ASTN2: variants seen among roughly 807,000 people sequenced by gnomAD.
ASTN2 encodes the protein astrotactin 2, also known as astrotactin-2.
In ASTN2, 54 loss-of-function variants were observed where a neutral mutation model predicts 139.8. That is an observed-to-expected ratio of 0.39 (90% CI 0.31 to 0.48). ASTN2 has a LOEUF of 0.48. ASTN2 is among the 20% of genes least tolerant of loss of function. The probability of loss-of-function intolerance (pLI) is 0.95; values close to 1 mark genes in which losing one functional copy is unlikely to be tolerated. For synonymous variants in ASTN2, 756 were observed against 719.5 expected, an observed-to-expected ratio of 1.05 and a Z score of -0.81; for missense variants, 1,565 against 1,725.1, an observed-to-expected ratio of 0.91 and a Z score of 1.64.
chr9:116,985,371 A>G (rs1040547146), intron 7 of ASTN2, among the ~76,000 whole-genome samples: 2 of 152,208 alleles, frequency 1.3e-5, no homozygotes, highest in African/African-American at 4.8e-5. Flanking sequence ...CAGGTCTGAT[A>G]AGAGATTAGA....
chr9:116,896,275 A>T (rs1588392167), intron 10 of ASTN2, among the ~76,000 whole-genome samples: 1 of 152,222 alleles, frequency 6.6e-6, no homozygotes, highest in African/African-American at 2.4e-5. Flanking sequence ...TGTATGTATT[A>T]GTTCATTTTC....
intron 13 of ASTN2, among the ~76,000 whole-genome samples, chr9:116,786,471 A>G (rs2132214604): frequency 6.6e-6 from 1 of 152,112 alleles, no homozygotes; most frequent in African/African-American, 2.4e-5. Context: ...GAGTGAAGAT[A>G]CAATAGTGTC....
intron 1 of ASTN2, among the ~76,000 whole-genome samples, chr9:117,315,504 C>T (rs540641225): frequency 6.6e-6 from 1 of 152,354 alleles, no homozygotes; most frequent in African/African-American, 2.4e-5. Flanking sequence ...GGACAAATCA[C>T]TGGCACTGTC....
At position 117,013,269 on chromosome 9, in the gene ASTN2, C is replaced by A. The variant is rs139102813; in HGVS notation, c.1424-5010G>T. On this transcript the variant is annotated intron_variant, in intron 6 of 22. Coordinates refer to ENST00000313400, the MANE Select transcript of ASTN2 (RefSeq NM_001365068.1). ...CAGAAAAGGAATAAAAGGCACTATT[C>A]CATGTGTCTCATGTTTTTCTAGTTT... is the stretch of plus-strand genomic sequence containing the variant. 8.4e-3 allele frequency among the ~76,000 whole-genome samples: 1,281 copies of A among 152,130 alleles called. 16 individuals are homozygous for A. The highest frequency in any genetic ancestry group is 0.029 in the African/African-American group (1,202 of 41,504).
intron 3 of ASTN2, chr9:117,181,091 A>G (rs893277043): frequency 1.5e-5 from 16 of 1,079,984 alleles, no homozygotes; most frequent in Non-Finnish European, 2.1e-5. Context: ...CCCTTAAAGC[A>G]ACCCATACAA....
chr9:116,600,345 AAAG>A (rs1854823509), intron 19 of ASTN2, among the ~76,000 whole-genome samples: 2 of 137,070 alleles, frequency 1.5e-5, no homozygotes, highest in Admixed American at 7.4e-5. Flanking sequence ...AAAAAAAAAA[AAAG>A]AAAGAAAGAA....
chr9:117,129,154 T>C (rs1829771871), intron 4 of ASTN2, among the ~76,000 whole-genome samples: 1 of 152,208 alleles, frequency 6.6e-6, no homozygotes, highest in Non-Finnish European at 1.5e-5. Flanking sequence ...GTAATTTCAA[T>C]TTGAAGCAGA....
intron 16 of ASTN2, among the ~76,000 whole-genome samples, chr9:116,713,443 C>G (rs1828225143): frequency 1.3e-5 from 2 of 152,124 alleles, no homozygotes; most frequent in African/African-American, 4.8e-5. Flanking sequence ...CGTCTCAGAG[C>G]TGGCACTCTG....
chr9:116,589,773 C>T (rs564780434), intron 19 of ASTN2, among the ~76,000 whole-genome samples: 2 of 152,288 alleles, frequency 1.3e-5, no homozygotes, highest in East Asian at 3.9e-4. Flanking sequence ...GGCAAAGTGG[C>T]TGTACATACT....
intron 11 of ASTN2, among the ~76,000 whole-genome samples, chr9:116,841,087 A>G (rs1411614851): frequency 6.6e-6 from 1 of 152,228 alleles, no homozygotes; most frequent in East Asian, 1.9e-4. Context: ...CCTGGGCACC[A>G]TTGAGCACTG....
chr9:117,209,589 T>G (rs978241197), intron 3 of ASTN2, among the ~76,000 whole-genome samples: 1 of 151,986 alleles, frequency 6.6e-6, no homozygotes, highest in African/African-American at 2.4e-5. Context: ...AGAGACAGAC[T>G]CCAGTAAAAT....
At chr9:117,201,634 T>C (rs1831724369) in intron 3 of ASTN2, among the ~76,000 whole-genome samples, 1 of 152,206 alleles carries the variant, frequency 6.6e-6, no homozygotes, top group Non-Finnish European at 1.5e-5. Context: ...TCAATTTCCA[T>C]GAAAATGTGT....
intron 19 of ASTN2, among the ~76,000 whole-genome samples, chr9:116,523,443 TC>T (rs1336800078): frequency 1.3e-5 from 2 of 152,142 alleles, no homozygotes; most frequent in Non-Finnish European, 2.9e-5. Context: ...ACTCAACCTC[TC>T]AGGCTGACCT....
chr9:117,285,448 C>T (rs758147108), intron 2 of ASTN2, among the ~76,000 whole-genome samples: 6 of 152,044 alleles, frequency 3.9e-5, no homozygotes, highest in Non-Finnish European at 7.4e-5. Flanking sequence ...ATAAAGCCAT[C>T]TTTTACAGAA....
rs539709560 is a variant in ASTN2, at chr9:117,375,664, C to G, written c.442+38833G>C. On this transcript the variant is annotated intron_variant, in intron 1 of 22. Transcript: ENST00000313400. ...AGATTCAAGCTCAAGTCCATCTGCC[C>G]TACAGACTTTAAGCCCACCACTTAG... 8.5e-5 allele frequency among the ~76,000 whole-genome samples: 13 copies of G among 152,292 alleles called. No homozygotes were observed. In the South Asian group the frequency reaches 2.7e-3, roughly 32 times the overall value.
At chr9:116,874,906 A>G (rs1833256543) in intron 10 of ASTN2, among the ~76,000 whole-genome samples, 1 of 152,170 alleles carries the variant, frequency 6.6e-6, no homozygotes, top group African/African-American at 2.4e-5. Context: ...ATATTTCAAA[A>G]TTGTGTTATT....
At chr9:116,830,748 C>T (rs183730824) in intron 11 of ASTN2, among the ~76,000 whole-genome samples, 27 of 147,668 alleles carry the variant, frequency 1.8e-4, no homozygotes, top group Admixed American at 1.1e-3. Flanking sequence ...GCCAAGATCG[C>T]GCCACTGCAC....
At chr9:116,980,210 G>C (rs1836470862) in intron 7 of ASTN2, among the ~76,000 whole-genome samples, 1 of 151,980 alleles carries the variant, frequency 6.6e-6, no homozygotes, top group South Asian at 2.1e-4. Flanking sequence ...AGGGATGATA[G>C]CAATGTCCAT....
intron 2 of ASTN2, among the ~76,000 whole-genome samples, chr9:117,239,088 C>A (rs1833131785): frequency 6.6e-6 from 1 of 152,188 alleles, no homozygotes; most frequent in African/African-American, 2.4e-5. Context: ...CAAGGTCACA[C>A]AGAAAATCAG....
Sources: allele counts gnomAD v4.1 joint callset (sites outside exome capture counted in the v4.1 genomes callset), GRCh38; gene constraint gnomAD v4.1.1; transcripts MANE v1.5; gene names NCBI Gene and HGNC (gene_info 2026-07-23, HGNC 2026-07-21).